SUPT3H: variants seen among roughly 807,000 people sequenced by gnomAD.
SUPT3H encodes transcription initiation protein SPT3 homolog.
SUPT3H carries 44 observed loss-of-function variants against 44.3 expected under a neutral mutation model. The ratio of observed to expected loss-of-function variants is 0.99; its 90% CI spans 0.78 to 1.28. SUPT3H has a LOEUF of 1.28. SUPT3H is among the 50% of genes most tolerant of loss of function. The pLI, the probability that SUPT3H is intolerant of heterozygous loss-of-function variation, is 0.00. For synonymous variants in SUPT3H, 124 were observed against 125.6 expected (o/e 0.99, Z 0.09); for missense variants, 380 against 387.1 (o/e 0.98, Z 0.15).
chr6:45,314,537 C>A (rs1158787983), intron 2 of SUPT3H, among the ~76,000 whole-genome samples: 2 of 152,068 alleles, frequency 1.3e-5, no homozygotes, highest in African/African-American at 2.4e-5. Flanking sequence ...ATCCCTTTTA[C>A]AATAGCTGCA....
intron 2 of SUPT3H, among the ~76,000 whole-genome samples, chr6:45,210,823 T>C (rs184056497): frequency 3.3e-5 from 5 of 152,332 alleles, no homozygotes; most frequent in Admixed American, 6.5e-5. Context: ...ACTGACTTCA[T>C]TGCGGTGGTC....
intron 10 of SUPT3H, among the ~76,000 whole-genome samples, chr6:44,889,192 C>G (rs1447491667): frequency 3.3e-5 from 5 of 152,050 alleles, no homozygotes; most frequent in African/African-American, 1.2e-4. Context: ...CCATACTGTC[C>G]AAGGTAATTT....
At chr6:45,159,870 T>C (rs986935733) in intron 2 of SUPT3H, among the ~76,000 whole-genome samples, 1 of 152,210 alleles carries the variant, frequency 6.6e-6, no homozygotes, top group African/African-American at 2.4e-5. Flanking sequence ...TCTGAGCTTT[T>C]TTCTTGAAGA....
At chr6:45,363,011 TTTTTTA>T (rs1384531972) in intron 2 of SUPT3H, among the ~76,000 whole-genome samples, 1 of 151,970 alleles carries the variant, frequency 6.6e-6, no homozygotes, top group Non-Finnish European at 1.5e-5. Context: ...GGTACATAGG[TTTTTTA>T]TTTTTATTTT....
intron 2 of SUPT3H, among the ~76,000 whole-genome samples, chr6:45,235,496 C>T (rs1768918577): frequency 6.6e-6 from 1 of 151,958 alleles, no homozygotes; most frequent in Non-Finnish European, 1.5e-5. Flanking sequence ...TTTATATTTA[C>T]AGGATATATA....
rs1480271419 is a variant in SUPT3H, at chr6:45,075,544, T to C, written c.186+30378A>G. On this transcript the variant is annotated intron_variant, in intron 3 of 10. Transcript: ENST00000371459. ...GTTCTGCCTGAGTCATTACATTATC[T>C]GGTAAATTTTCTCGTCATGAAATTC... Among the ~76,000 whole-genome samples, 3 of 152,156 alleles carry C rather than the reference T, an allele frequency of 2.0e-5. No individual in the cohort carries two copies. The East Asian group carries it at 5.8e-4, about 29-fold the overall frequency.
chr6:44,906,847 C>G (rs369430924), intron 10 of SUPT3H, among the ~76,000 whole-genome samples: 1 of 152,166 alleles, frequency 6.6e-6, no homozygotes, highest in Admixed American at 6.5e-5. Flanking sequence ...TTCTCCTGCT[C>G]TTGGCCATTG....
intron 2 of SUPT3H, among the ~76,000 whole-genome samples, chr6:45,300,279 C>T (rs1047340321): frequency 2.0e-5 from 3 of 152,162 alleles, no homozygotes; most frequent in Non-Finnish European, 2.9e-5. Context: ...CAAGTAAAGG[C>T]ATCTATACAG....
chr6:44,993,016 T>G (rs1023767368), intron 6 of SUPT3H, among the ~76,000 whole-genome samples: 2 of 151,934 alleles, frequency 1.3e-5, no homozygotes, highest in African/African-American at 4.8e-5. Context: ...TATGAAAATT[T>G]GGTGGGTGTG....
chr6:44,953,499 T>C (rs1774635750), intron 8 of SUPT3H, 82 bp from the exon 9 acceptor site: 1 of 1,063,620 alleles, frequency 9.4e-7, no homozygotes, highest in Non-Finnish European at 1.4e-6. Flanking sequence ...AAGCAATACA[T>C]TCTGAATGTT....
intron 3 of SUPT3H, among the ~76,000 whole-genome samples, chr6:45,089,672 T>G (rs1002711069): frequency 1.1e-5 from 1 of 87,828 alleles, no homozygotes; most frequent in Non-Finnish European, 2.2e-5. Context: ...ATCTTGCATA[T>G]TGCAGCTCTA....
At chr6:44,902,523 T>A (rs1765257831) in intron 10 of SUPT3H, among the ~76,000 whole-genome samples, 1 of 152,020 alleles carries the variant, frequency 6.6e-6, no homozygotes, top group South Asian at 2.1e-4. Context: ...AGCACCCAGA[T>A]TCATAAAGCA....
chr6:45,260,080 C>T (rs980432341), intron 2 of SUPT3H, among the ~76,000 whole-genome samples: 2 of 152,130 alleles, frequency 1.3e-5, no homozygotes, highest in Admixed American at 1.3e-4. Context: ...AATGGGTACT[C>T]CTGCTTTCAC....
At chr6:45,368,326 T>C (rs1453781089) in intron 1 of SUPT3H, among the ~76,000 whole-genome samples, 1 of 152,206 alleles carries the variant, frequency 6.6e-6, no homozygotes, top group South Asian at 2.1e-4. Flanking sequence ...TAGCTAATAT[T>C]ATAACACACC....
At chr6:44,842,255 A>T (rs1224448471) in intron 10 of SUPT3H, among the ~76,000 whole-genome samples, 1 of 152,126 alleles carries the variant, frequency 6.6e-6, no homozygotes, top group Non-Finnish European at 1.5e-5. Context: ...GCTCTGAGGA[A>T]TCAGTTAAAC....
intron 2 of SUPT3H, among the ~76,000 whole-genome samples, chr6:45,283,260 T>A (rs549229176): frequency 2.0e-5 from 3 of 152,176 alleles, no homozygotes; most frequent in Admixed American, 2.0e-4. Flanking sequence ...GTAAATGGGC[T>A]AAAGGCTCCA....
chr6:45,179,759 T>A (rs1812771365), intron 2 of SUPT3H, among the ~76,000 whole-genome samples: 1 of 152,166 alleles, frequency 6.6e-6, no homozygotes, highest in African/African-American at 2.4e-5. Context: ...CCACAGCCAA[T>A]ATCATTCTGA....
At chr6:45,316,729 C>T (rs929105343) in intron 2 of SUPT3H, among the ~76,000 whole-genome samples, 4 of 152,028 alleles carry the variant, frequency 2.6e-5, no homozygotes, top group Non-Finnish European at 5.9e-5. Flanking sequence ...AGCCTGTACA[C>T]TATACTGTGA....
At chr6:45,375,549 AT>A (rs898959790) in intron 1 of SUPT3H, among the ~76,000 whole-genome samples, 25 of 147,900 alleles carry the variant, frequency 1.7e-4, no homozygotes, top group South Asian at 4.3e-4. Flanking sequence ...CAAGAGCATC[AT>A]TTTTTTTTTT....
Sources: allele counts gnomAD v4.1 joint callset (sites outside exome capture counted in the v4.1 genomes callset), GRCh38; gene constraint gnomAD v4.1.1; transcripts MANE v1.5; gene names NCBI Gene and HGNC (gene_info 2026-07-23, HGNC 2026-07-21).